Variants in TPPP2 observed in about 807,000 individuals in gnomAD.
TPPP2 encodes the protein tubulin polymerization promoting protein family member 2, also known as tubulin polymerization-promoting protein family member 2.
TPPP2 carries 8 observed loss-of-function variants against 13.0 expected under a neutral mutation model. That is an observed-to-expected ratio of 0.62 (90% confidence interval 0.36 to 1.11). TPPP2 has a LOEUF of 1.11. TPPP2 is among the 50% of genes most tolerant of loss of function. The pLI is 0.02. For missense variants in TPPP2, 213 were observed against 216.9 expected, an observed-to-expected ratio of 0.98 and a Z score of 0.11; for synonymous variants, 81 against 81.8, an observed-to-expected ratio of 0.99 and a Z score of 0.05.
downstream of TPPP2, among the ~76,000 whole-genome samples, chr14:21,035,617 T>C (rs1884571625): frequency 1.3e-5 from 2 of 151,886 alleles, no homozygotes; most frequent in Admixed American, 1.3e-4. Flanking sequence ...CACAGAAAGC[T>C]GAGTGCTCCA....
In TPPP2 at chr14:21,031,954, C is replaced by T. The variant is rs749641459; in HGVS notation, c.390C>T (p.His130=). 16 of 1,614,016 alleles carry T rather than the reference C, an allele frequency of 9.9e-6. No homozygotes were observed. The highest frequency in any genetic ancestry group is 5.5e-5 in the South Asian group (5 of 91,086). Residue 130 remains histidine, a synonymous_variant, in exon 4 of 4, where the codon CAC becomes CAT. Coordinates refer to ENST00000321760, the MANE Select transcript of TPPP2 (RefSeq NM_173846.5). ...LTDTSKYTGT[H]KERFDESGKG... ...ACACCAGCAAGTACACCGGCACCCA[C>T]AAGGAGCGCTTTGATGAGAGTGGCA...
chr14:21,031,780 T>A, intron 3 of TPPP2, 112 bp from the exon 4 acceptor site: 1 of 1,238,944 alleles, frequency 8.1e-7, no homozygotes, highest in African/African-American at 1.5e-5. Flanking sequence ...CCCATGCCAG[T>A]GGCAGAGCAA....
chr14:21,035,737 C>A, downstream of TPPP2: 1 of 455,774 alleles, frequency 2.2e-6, no homozygotes, highest in Non-Finnish European at 4.4e-6. Flanking sequence ...AAACCACAGT[C>A]CAAAATGGAA....
downstream of TPPP2, chr14:21,035,670 G>A: frequency 2.3e-6 from 1 of 427,372 alleles, no homozygotes; most frequent in Non-Finnish European, 4.7e-6. Context: ...AGGCCGCAGA[G>A]AGAAAGATTG....
downstream of TPPP2, chr14:21,034,316 TG>T: frequency 6.4e-7 from 1 of 1,569,126 alleles, no homozygotes; most frequent in Middle Eastern, 1.9e-4. Context: ...TTAAGGTGGT[TG>T]GGGGCAGCAG....
At chr14:21,035,800 T>G (rs117360911), downstream of TPPP2, 7,146 of 456,230 alleles carry the variant, frequency 0.016, 98 homozygotes, top group Non-Finnish European at 0.025. Flanking sequence ...TCAGTTTCCC[T>G]GGTTACCTAT....
In TPPP2 at chr14:21,032,624, T is replaced by A. The variant is rs1218487536; in HGVS notation, c.*547T>A. 1 of 340,794 alleles carries A rather than the reference T, an allele frequency of 2.9e-6. No individual in the cohort carries two copies. The highest frequency in any genetic ancestry group is 2.2e-5 in the African/African-American group (1 of 45,724). The allele number at this position is 340,794 out of a possible 1,614,324, so 21.1% of individuals were successfully genotyped here. On this transcript the variant is annotated 3_prime_UTR_variant, in exon 4 of 4. Transcript: ENST00000321760. ...TTCCAGAGCTGGGGTAAGGGGAGAGTCTATTTTCAACACCCAGCCCAGAAC... is the reference window on the plus strand; with the variant it reads ...TTCCAGAGCTGGGGTAAGGGGAGAGACTATTTTCAACACCCAGCCCAGAAC...
chr14:21,028,714 A>G (rs940679937), upstream of TPPP2, among the ~76,000 whole-genome samples: 3 of 152,128 alleles, frequency 2.0e-5, no homozygotes, highest in Non-Finnish European at 4.4e-5. Context: ...GAGGTAATAG[A>G]GATGGATTAT....
rs1370527112 is a variant in TPPP2 at position 21,032,400 on chromosome 14, G to C, written c.*323G>C. ...GTGGAGGTAAAAGTATCTACTACTT[G>C]TGTTCACACATTACTGATATCCACC... On this transcript the variant is annotated 3_prime_UTR_variant, in exon 4 of 4. Transcript: ENST00000321760. The C allele has an allele frequency of 6.5e-6, 3 of 460,040 alleles. No homozygotes were observed. Among genetic ancestry groups the C allele is most frequent in the Admixed American group, 4.8e-5 (2 of 41,560 alleles). 28.5% of individuals were successfully genotyped at this position (460,040 alleles called of 1,614,324 possible).
At chr14:21,025,812 T>C (rs1166661696), upstream of TPPP2, 41 of 313,874 alleles carry the variant, frequency 1.3e-4, no homozygotes, top group African/African-American at 2.1e-3. This position sits in a 1 kb window ranked among gnomAD's most constrained non-coding sequence, Gnocchi z 5.1. Flanking sequence ...AGGCGGGGGG[T>C]GGGGAGAGGA....
At chr14:21,031,768 A>G in intron 3 of TPPP2, 124 bp from the exon 4 acceptor site, 1 of 1,086,046 alleles carries the variant, frequency 9.2e-7, no homozygotes. Context: ...AGAAAGCAGC[A>G]CCCCATGCCA....
chr14:21,025,239 G>T, upstream of TPPP2: 1 of 839,788 alleles, frequency 1.2e-6, no homozygotes, highest in Non-Finnish European at 1.4e-6. This position sits in a 1 kb window ranked among gnomAD's most constrained non-coding sequence, Gnocchi z 5.1. Context: ...GGGCCGGGGG[G>T]CGAGGGGCGG....
intron 1 of TPPP2, 27 bp from the exon 2 acceptor site, chr14:21,030,486 A>G (rs1566485990): frequency 4.6e-6 from 6 of 1,313,750 alleles, no homozygotes; most frequent in African/African-American, 1.5e-5. Flanking sequence ...TGATTTTACC[A>G]TAACACTCAT....
At chr14:21,025,686 CTT>C, upstream of TPPP2, 1 of 982,264 alleles carries the variant, frequency 1.0e-6, no homozygotes, top group Non-Finnish European at 1.2e-6. The surrounding 1 kb of genome is among the most constrained non-coding windows in gnomAD (Gnocchi z 5.1). Flanking sequence ...CCTCTCCTCT[CTT>C]TGCTGCGTCC....
At chr14:21,031,272 A>G in intron 3 of TPPP2, 107 bp downstream of exon 3, 13 of 1,428,992 alleles carry the variant, frequency 9.1e-6, no homozygotes, top group Non-Finnish European at 1.2e-5. Context: ...CAGGGCCGAA[A>G]CAGACTTTAG....
intron 1 of TPPP2, 25 bp downstream of exon 1, chr14:21,030,329 A>G: frequency 2.1e-6 from 1 of 481,810 alleles, no homozygotes; most frequent in South Asian, 2.6e-5. Flanking sequence ...TAGGGGAAAG[A>G]GAGGATCATT....
At chr14:21,024,322 G>A in exon 1 of TPPP2, 4 of 985,042 alleles carry the variant, frequency 4.1e-6, no homozygotes, top group Non-Finnish European at 4.8e-6. Context: ...GCGCGGAGGA[G>A]AGAAGGAAGT....
chr14:21,026,073 G>C (rs891080750), upstream of TPPP2, among the ~76,000 whole-genome samples: 1 of 151,978 alleles, frequency 6.6e-6, no homozygotes, highest in Non-Finnish European at 1.5e-5. Context: ...AATGCCCGGG[G>C]GATGGTCTCA....
chr14:21,035,936 C>T, downstream of TPPP2: 1 of 428,662 alleles, frequency 2.3e-6, no homozygotes. Context: ...AATCCTGCCT[C>T]TGCAGCTTAC....
Sources: allele counts gnomAD v4.1 joint callset (sites outside exome capture counted in the v4.1 genomes callset), GRCh38; gene constraint gnomAD v4.1.1; non-coding constraint Gnocchi (gnomAD v3.1); transcripts MANE v1.5; gene names NCBI Gene and HGNC (gene_info 2026-07-23, HGNC 2026-07-21).